MYBPC1: variants seen among roughly 807,000 people sequenced by gnomAD.
MYBPC1 encodes the protein myosin binding protein C1, also known as myosin-binding protein C, slow-type.
Under a neutral mutation model 147.1 loss-of-function variants are expected in MYBPC1, and 52 were observed. The observed-to-expected ratio is 0.35, with a 90% confidence interval of 0.28 to 0.45. The LOEUF is 0.45. Among genes scored for constraint, MYBPC1 ranks in the 20% least tolerant of loss-of-function variants. The pLI, the probability that MYBPC1 is intolerant of heterozygous loss-of-function variation, is 1.00. For missense variants in MYBPC1, 1,228 were observed against 1,440.3 expected, an observed-to-expected ratio of 0.85 and a Z score of 2.39; for synonymous variants, 477 against 475.9, an observed-to-expected ratio of 1.00 and a Z score of -0.03.
downstream of MYBPC1, among the ~76,000 whole-genome samples, chr12:101,690,299 C>G (rs1303930604): frequency 6.6e-6 from 1 of 152,220 alleles, no homozygotes; most frequent in Non-Finnish European, 1.5e-5. Flanking sequence ...GCTCCAGACT[C>G]TCTCTGTCTT....
intron 21 of MYBPC1, among the ~76,000 whole-genome samples, chr12:101,662,771 C>T (rs959887826): frequency 1.3e-5 from 2 of 152,138 alleles, no homozygotes; most frequent in African/African-American, 4.8e-5. Context: ...ACCATAATTC[C>T]AGTGCCAACT....
chr12:101,609,341 G>A (rs2135720044), intron 1 of MYBPC1, among the ~76,000 whole-genome samples: 2 of 152,162 alleles, frequency 1.3e-5, no homozygotes, highest in Middle Eastern at 6.8e-3. Flanking sequence ...ACCCCAGCTG[G>A]AGTATAGTGG....
rs902580061 is a variant in MYBPC1 at position 101,678,311 on chromosome 12, G to A, written c.3246+73G>A. On this transcript the variant is annotated intron_variant, in intron 28 of 31. Transcript: ENST00000361466. ...GTTGTGTTATAATGTAAGTAACAAT[G>A]TAAACAAATCCAGCTGCTACTTGTG... The A allele has an allele frequency of 1.1e-4, 179 of 1,584,014 alleles. No homozygotes were observed. In the Admixed American group the frequency reaches 1.2e-3, roughly 10 times the overall value.
chr12:101,693,913 T>G, the MYBPC1 span, among the ~76,000 whole-genome samples: 1 of 152,172 alleles, frequency 6.6e-6, no homozygotes, highest in East Asian at 1.9e-4. Flanking sequence ...ATCATGGCCT[T>G]CAGAAGAAAG....
intron 1 of MYBPC1, among the ~76,000 whole-genome samples, chr12:101,609,794 A>G (rs825076): frequency 0.54 from 81,507 of 152,036 alleles, 23,635 homozygotes; most frequent in African/African-American, 0.76. Context: ...GTATCTTATC[A>G]TATTGTAACC....
intron 3 of MYBPC1, among the ~76,000 whole-genome samples, chr12:101,624,243 G>C (rs1888048023): frequency 6.6e-6 from 1 of 151,866 alleles, no homozygotes; most frequent in African/African-American, 2.4e-5. Context: ...TATTATATTA[G>C]TAATTTTATT....
the MYBPC1 span, among the ~76,000 whole-genome samples, chr12:101,695,323 C>A: frequency 1.3e-5 from 2 of 152,134 alleles, no homozygotes; most frequent in Non-Finnish European, 2.9e-5. Flanking sequence ...GCTTATATAG[C>A]AGGGATACAC....
At chr12:101,647,038 C>A in intron 13 of MYBPC1, 151 bp downstream of exon 13, 2 of 976,700 alleles carry the variant, frequency 2.0e-6, no homozygotes, top group Non-Finnish European at 3.2e-6. Flanking sequence ...ACTAGAACAG[C>A]AGAGGGGAGA....
chr12:101,686,892 G>A (rs889214858), downstream of MYBPC1, among the ~76,000 whole-genome samples: 1 of 152,028 alleles, frequency 6.6e-6, no homozygotes, highest in Non-Finnish European at 1.5e-5. Flanking sequence ...AAACTATGTT[G>A]GCTCTATATA....
the MYBPC1 span, among the ~76,000 whole-genome samples, chr12:101,693,181 C>T: frequency 6.6e-6 from 1 of 152,068 alleles, no homozygotes; most frequent in South Asian, 2.1e-4. Context: ...CTCCTGACCT[C>T]GTGATCCACC....
chr12:101,596,762 GC>G (rs1182225747), intron 1 of MYBPC1, among the ~76,000 whole-genome samples: 2 of 151,754 alleles, frequency 1.3e-5, no homozygotes, highest in Non-Finnish European at 2.9e-5. Context: ...TTTAACTTCA[GC>G]CCCCACCCCC....
intron 3 of MYBPC1, among the ~76,000 whole-genome samples, chr12:101,619,099 A>G (rs1466441659): frequency 6.6e-6 from 1 of 152,134 alleles, no homozygotes; most frequent in African/African-American, 2.4e-5. Context: ...AATTACTGCT[A>G]CTTGGATATC....
chr12:101,634,166 C>T (rs2136089456), intron 8 of MYBPC1, among the ~76,000 whole-genome samples: 1 of 152,242 alleles, frequency 6.6e-6, no homozygotes, highest in South Asian at 2.1e-4. Flanking sequence ...TCCCAAAGTG[C>T]TGGGATTACA....
At chr12:101,681,108 A>G (rs1361312969) in intron 29 of MYBPC1, among the ~76,000 whole-genome samples, 2 of 152,218 alleles carry the variant, frequency 1.3e-5, no homozygotes, top group African/African-American at 2.4e-5. Flanking sequence ...TATACATTTC[A>G]TTTATACTAG....
At chr12:101,595,382 T>C (rs1876802556) in intron 1 of MYBPC1, among the ~76,000 whole-genome samples, 1 of 152,218 alleles carries the variant, frequency 6.6e-6, no homozygotes, top group Non-Finnish European at 1.5e-5. Flanking sequence ...AATTTAAGGA[T>C]GTTAATTGCT....
At chr12:101,596,616 C>A (rs7958578) in intron 1 of MYBPC1, among the ~76,000 whole-genome samples, 2 of 152,048 alleles carry the variant, frequency 1.3e-5, no homozygotes, top group African/African-American at 2.4e-5. Context: ...AAGGTGACAG[C>A]CTGTAAGAGC....
At chr12:101,595,141 G>A in intron 1 of MYBPC1, 46 bp downstream of exon 1, 1 of 1,484,426 alleles carries the variant, frequency 6.7e-7, no homozygotes. Flanking sequence ...TGAATAAAGT[G>A]TTTATTTTGG....
intron 14 of MYBPC1, 128 bp downstream of exon 14, chr12:101,648,278 T>A: frequency 1.5e-6 from 1 of 652,698 alleles, no homozygotes; most frequent in Non-Finnish European, 2.7e-6. Context: ...TTTGTGTTAG[T>A]AGAGATGATA....
At chr12:101,674,779 C>A (rs542465897) in intron 25 of MYBPC1, among the ~76,000 whole-genome samples, 1 of 141,040 alleles carries the variant, frequency 7.1e-6, no homozygotes, top group East Asian at 2.2e-4. Flanking sequence ...ATGAAAATCG[C>A]TTGAACCTGG....
Sources: gnomAD v4.1 joint callset for allele counts (sites outside exome capture counted in the v4.1 genomes callset) on GRCh38, gnomAD v4.1.1 for gene constraint, MANE v1.5 for transcripts, NCBI Gene and HGNC (gene_info 2026-07-23, HGNC 2026-07-21) for gene names.